SLC7A8: variants seen among roughly 807,000 people sequenced by gnomAD.
The protein encoded by SLC7A8 is solute carrier family 7 member 8, also known as large neutral amino acids transporter small subunit 2.
Under a neutral mutation model 51.2 loss-of-function variants are expected in SLC7A8, and 30 were observed. The ratio of observed to expected loss-of-function variants is 0.59; its 90% CI spans 0.44 to 0.80. SLC7A8 has a LOEUF of 0.80. Among genes scored for constraint, SLC7A8 ranks in the 30% least tolerant of loss-of-function variants. The probability of loss-of-function intolerance (pLI) is 0.00; values close to 1 mark genes in which losing one functional copy is unlikely to be tolerated. For missense variants in SLC7A8, 612 were observed against 674.4 expected (o/e 0.91, Z 1.03); for synonymous variants, 257 against 275.8 (o/e 0.93, Z 0.67).
At chr14:23,138,278 GT>G (rs906377964) in intron 6 of SLC7A8, 3 of 441,660 alleles carry the variant, frequency 6.8e-6, no homozygotes, top group African/African-American at 5.9e-5. Context: ...TACTAATCTT[GT>G]TTTATGGGTG....
chr14:23,141,008 C>T (rs2048739677), intron 4 of SLC7A8, among the ~76,000 whole-genome samples: 1 of 152,200 alleles, frequency 6.6e-6, no homozygotes, highest in Admixed American at 6.5e-5. Flanking sequence ...CAGGGTTGGG[C>T]ACAGTGGCTC....
rs1382390631 is a variant in SLC7A8, at chr14:23,143,145, A to T, written c.568T>A (p.Phe190Ile). The change falls in exon 4 of 11, where the codon TTC (phenylalanine) becomes ATC (isoleucine). Residue 190 changes from phenylalanine to isoleucine, a missense_variant. Phe to Ile is a conservative substitution (Grantham distance 21, BLOSUM62 0). Transcript: ENST00000316902. Reference sequence around the variant, plus strand: ...AAGGCCAGGAGCTTCCCAGCTGTGAAGATGTCTTGAACCCGGGTGGCCCAC... The same window carrying T: ...AAGGCCAGGAGCTTCCCAGCTGTGATGATGTCTTGAACCCGGGTGGCCCAC... ...VRWATRVQDI[F>I]TAGKLLALAL... The T allele has an allele frequency of 3.1e-6, 5 of 1,614,206 alleles. No homozygotes were observed. In the East Asian group the frequency reaches 1.1e-4, roughly 36 times the overall value.
At chr14:23,162,357 T>G (rs1212734824) in intron 3 of SLC7A8, among the ~76,000 whole-genome samples, 2 of 152,150 alleles carry the variant, frequency 1.3e-5, no homozygotes, top group African/African-American at 2.4e-5. Context: ...GATTTAAGAT[T>G]TTTCTGCTTA....
At position 23,153,794 on chromosome 14, in the gene SLC7A8, C is replaced by T. The variant is rs17794274; in HGVS notation, c.509-10590G>A. On this transcript the variant is annotated intron_variant, in intron 3 of 10. Transcript: ENST00000316902. ...GGCTTGCACCTTTCTCAGGAGTGGA[C>T]TGGACTGGCTTGGAAAGGCTTGGTT... is the stretch of plus-strand genomic sequence containing the variant. Among the ~76,000 whole-genome samples, 1,065 of 152,238 alleles carry T rather than the reference C, an allele frequency of 7.0e-3. 3 individuals are homozygous for T. Among genetic ancestry groups the T allele is most frequent in the Non-Finnish European group, 0.011 (744 of 68,016 alleles).
At chr14:23,174,722 C>T (rs2140340050) in intron 1 of SLC7A8, among the ~76,000 whole-genome samples, 2 of 152,300 alleles carry the variant, frequency 1.3e-5, no homozygotes, top group Middle Eastern at 6.8e-3. Flanking sequence ...ACTCCTGCAG[C>T]AGAGAGGAGC....
Position 23,142,305 on chromosome 14 carries a change from A to C in SLC7A8, c.634+774T>G, listed in dbSNP as rs75467571. ...ATAGCCTCAGGCTTGGAAAGGGCCA[A>C]ATCCAGTGGGGAATGTTGGCAGGGG... On this transcript the variant is annotated intron_variant, in intron 4 of 10. Transcript: ENST00000316902. Among the ~76,000 whole-genome samples the C allele has an allele frequency of 1.6e-3, 239 of 152,256 alleles. 1 individual carries two copies. The highest frequency in any genetic ancestry group is 5.3e-3 in the African/African-American group (221 of 41,552).
chr14:23,131,348 A>G, intron 8 of SLC7A8, 113 bp downstream of exon 8: 1 of 769,838 alleles, frequency 1.3e-6, no homozygotes, highest in Non-Finnish European at 2.0e-6. Flanking sequence ...AGTGAGACCT[A>G]GCAGCAGACT....
At chr14:23,158,010 T>C (rs906664307) in intron 3 of SLC7A8, among the ~76,000 whole-genome samples, 1 of 152,228 alleles carries the variant, frequency 6.6e-6, no homozygotes, top group Admixed American at 6.5e-5. Context: ...GATTGTGTAT[T>C]ACCCGCGGCA....
chr14:23,155,138 C>A, intron 3 of SLC7A8: 1 of 1,532,762 alleles, frequency 6.5e-7, no homozygotes, highest in Non-Finnish European at 8.7e-7. Context: ...TTCCCCTTCT[C>A]CAGCCCTTTT....
chr14:23,139,309 TG>T (rs1566359872), intron 6 of SLC7A8, 114 bp downstream of exon 6: 4 of 1,514,214 alleles, frequency 2.6e-6, no homozygotes, highest in Middle Eastern at 1.9e-4. Flanking sequence ...CCTGAGAACT[TG>T]GGGGTGATTT....
At chr14:23,129,985 T>C in intron 8 of SLC7A8, 186 bp from the exon 9 acceptor site, 2 of 622,500 alleles carry the variant, frequency 3.2e-6, no homozygotes, top group Non-Finnish European at 5.4e-6. Context: ...TAGGAAATCC[T>C]TTCTTATTAC....
chr14:23,180,681 A>G (rs1877131043), intron 1 of SLC7A8, among the ~76,000 whole-genome samples: 1 of 152,198 alleles, frequency 6.6e-6, no homozygotes, highest in Non-Finnish European at 1.5e-5. Context: ...CAGTAGTAAC[A>G]TATACCCACA....
chr14:23,137,884 T>G, intron 7 of SLC7A8, 37 bp downstream of exon 7: 5 of 1,605,628 alleles, frequency 3.1e-6, no homozygotes, highest in Non-Finnish European at 3.4e-6. Flanking sequence ...CACAGCAGAG[T>G]GGCCCCTGGC....
Position 23,153,997 on chromosome 14 carries a change from T to C in SLC7A8, c.509-10793A>G, listed in dbSNP as rs113983560. Among the ~76,000 whole-genome samples the C allele has an allele frequency of 9.2e-5, 14 of 151,646 alleles. 1 individual carries two copies. The highest frequency in any genetic ancestry group is 2.9e-4 in the African/African-American group (12 of 41,260). ...GCGGGAGAGAGCAAGGGGAGGACAA[T>C]GCAGATGAGTGGGAGAGAAAAAGGG... On this transcript the variant is annotated intron_variant, in intron 3 of 10. Coordinates refer to ENST00000316902, the MANE Select transcript of SLC7A8 (RefSeq NM_012244.4).
At chr14:23,144,339 C>A (rs1261968907) in intron 3 of SLC7A8, among the ~76,000 whole-genome samples, 36 of 120,180 alleles carry the variant, frequency 3.0e-4, no homozygotes, top group East Asian at 1.7e-3. Flanking sequence ...AGTTTAAACA[C>A]AATTTTTTTT....
At chr14:23,157,980 A>G (rs370100417) in intron 3 of SLC7A8, among the ~76,000 whole-genome samples, 41 of 152,320 alleles carry the variant, frequency 2.7e-4, no homozygotes, top group African/African-American at 8.2e-4. Context: ...AGACACTCAA[A>G]TATTTAATAA....
chr14:23,135,645 T>C (rs890495789), intron 7 of SLC7A8, among the ~76,000 whole-genome samples: 2 of 151,612 alleles, frequency 1.3e-5, no homozygotes, highest in Non-Finnish European at 2.9e-5. Context: ...GAGTGTGCAG[T>C]GAGCCAAGAT....
rs558712649 is a variant in SLC7A8, at chr14:23,176,727, A to G, written c.151+6037T>C. On this transcript the variant is annotated intron_variant, in intron 1 of 10. Coordinates refer to ENST00000316902, the MANE Select transcript of SLC7A8 (RefSeq NM_012244.4). ...GAGGCCAAGGCGGGCAGATCACTTG[A>G]GGTCAGGAGTTCGAGACTAGCCTGG... Among the ~76,000 whole-genome samples the G allele has an allele frequency of 1.5e-4, 23 of 152,236 alleles. No individual in the cohort carries two copies. The South Asian group carries it at 4.8e-3, about 32-fold the overall frequency.
intron 3 of SLC7A8, among the ~76,000 whole-genome samples, chr14:23,147,529 T>C (rs1302806566): frequency 6.6e-6 from 1 of 152,218 alleles, no homozygotes; most frequent in African/African-American, 2.4e-5. Flanking sequence ...TTTATAATCC[T>C]GGTCCAACTG....
Sources: allele counts gnomAD v4.1 joint callset (sites outside exome capture counted in the v4.1 genomes callset), GRCh38; gene constraint gnomAD v4.1.1; transcripts MANE v1.5; gene names NCBI Gene and HGNC (gene_info 2026-07-23, HGNC 2026-07-21).